RBKS: variants seen among roughly 807,000 people sequenced by gnomAD.
RBKS encodes ribokinase.
A neutral mutation model predicts 33.9 loss-of-function variants in RBKS; 33 were observed. The ratio of observed to expected loss-of-function variants is 0.97; its 90% CI spans 0.74 to 1.30. RBKS has a LOEUF of 1.30. RBKS is among the 50% of genes most tolerant of loss of function. The probability of loss-of-function intolerance (pLI) is 0.00; values close to 1 mark genes in which losing one functional copy is unlikely to be tolerated. For missense variants in RBKS, 361 were observed against 392.6 expected (o/e 0.92, Z 0.68); for synonymous variants, 125 against 143.0 (o/e 0.87, Z 0.90).
intron 2 of RBKS, among the ~76,000 whole-genome samples, chr2:27,851,664 G>A (rs143604577): frequency 7.5e-4 from 114 of 151,954 alleles, no homozygotes; most frequent in African/African-American, 2.5e-3. Flanking sequence ...TCAGCCTCCC[G>A]AGTAGCTGGG....
intron 1 of RBKS, among the ~76,000 whole-genome samples, chr2:27,867,484 T>C (rs1664124640): frequency 6.6e-6 from 1 of 152,068 alleles, no homozygotes; most frequent in African/African-American, 2.4e-5. Context: ...ATAAACTTAG[T>C]TGGGAATATG....
intron 7 of RBKS, among the ~76,000 whole-genome samples, chr2:27,797,843 CA>C (rs745487121): frequency 1.9e-4 from 29 of 152,108 alleles, no homozygotes; most frequent in South Asian, 4.1e-4. Context: ...AGGGGGTCAA[CA>C]GGCAAGGAGA....
At chr2:27,848,238 A>C (rs1663661645) in intron 2 of RBKS, 141 bp from the exon 3 acceptor site, 1 of 550,620 alleles carries the variant, frequency 1.8e-6, no homozygotes, top group East Asian at 3.3e-5. Context: ...TCTTAATATA[A>C]GATGCTAGAC....
At chr2:27,803,775 G>A (rs369451084) in intron 7 of RBKS, among the ~76,000 whole-genome samples, 4 of 151,878 alleles carry the variant, frequency 2.6e-5, no homozygotes, top group South Asian at 2.1e-4. Flanking sequence ...GGCCAGGTGC[G>A]GTGACTCACG....
At chr2:27,784,607 A>C (rs1677364436) in intron 7 of RBKS, among the ~76,000 whole-genome samples, 1 of 152,342 alleles carries the variant, frequency 6.6e-6, no homozygotes, top group South Asian at 2.1e-4. Context: ...AGATTTATAA[A>C]GAGAAGGCAG....
rs542659897 is a variant in RBKS at position 27,786,735 on chromosome 2, C to T, written c.796-4947G>A. On this transcript the variant is annotated intron_variant, in intron 7 of 7. Coordinates refer to ENST00000302188, the MANE Select transcript of RBKS (RefSeq NM_022128.3). ...GGTGGAGGTTGCAGTGAGCCAAGAC[C>T]GTGCCACTGCACTCTCGCCTGGGCG... Among the ~76,000 whole-genome samples the T allele has an allele frequency of 1.9e-3, 284 of 149,572 alleles. 1 individual carries two copies. The highest frequency in any genetic ancestry group is 6.5e-3 in the African/African-American group (263 of 40,540).
At chr2:27,789,263 T>G (rs1431706143) in intron 7 of RBKS, among the ~76,000 whole-genome samples, 2 of 152,198 alleles carry the variant, frequency 1.3e-5, no homozygotes, top group African/African-American at 4.8e-5. Flanking sequence ...TCAGATCTTT[T>G]TTTTTGGATT....
At chr2:27,801,506 C>CACACACA (rs1228017669) in intron 7 of RBKS, among the ~76,000 whole-genome samples, 3 of 151,042 alleles carry the variant, frequency 2.0e-5, no homozygotes, top group Non-Finnish European at 4.4e-5. Flanking sequence ...CACACACACA[C>CACACACA]AAGCGGTCCC....
chr2:27,818,857 A>G (rs1051676681), intron 7 of RBKS, among the ~76,000 whole-genome samples: 3 of 152,222 alleles, frequency 2.0e-5, no homozygotes, highest in Admixed American at 6.5e-5. Flanking sequence ...TCATTTGCCC[A>G]AAGCAGCACC....
intron 4 of RBKS, among the ~76,000 whole-genome samples, chr2:27,843,564 C>A (rs569659064): frequency 6.6e-6 from 1 of 151,966 alleles, no homozygotes; most frequent in Non-Finnish European, 1.5e-5. Context: ...TATATGTATG[C>A]GGTAAAGGTT....
intron 7 of RBKS, among the ~76,000 whole-genome samples, chr2:27,807,138 G>A (rs1423750883): frequency 6.6e-6 from 1 of 152,216 alleles, no homozygotes; most frequent in Non-Finnish European, 1.5e-5. Flanking sequence ...TGGTCTGAAT[G>A]TGAAGCTTCC....
chr2:27,792,962 C>T (rs1677567013), intron 7 of RBKS, among the ~76,000 whole-genome samples: 1 of 152,136 alleles, frequency 6.6e-6, no homozygotes, highest in Non-Finnish European at 1.5e-5. Flanking sequence ...GTTGGCCTTG[C>T]TATAGAGTGG....
intron 7 of RBKS, among the ~76,000 whole-genome samples, chr2:27,797,107 G>A (rs1294709811): frequency 6.6e-6 from 1 of 152,240 alleles, no homozygotes; most frequent in Non-Finnish European, 1.5e-5. Context: ...GCTGGTCTGC[G>A]ATAGCTTTTG....
intron 7 of RBKS, chr2:27,809,959 G>A (rs1677961037): frequency 1.5e-6 from 2 of 1,304,208 alleles, no homozygotes; most frequent in South Asian, 1.2e-5. Flanking sequence ...GGCAGTTGCT[G>A]TTATAAAAGG....
At chr2:27,784,413 G>C (rs1207820272) in intron 7 of RBKS, among the ~76,000 whole-genome samples, 6 of 152,204 alleles carry the variant, frequency 3.9e-5, no homozygotes, top group African/African-American at 1.4e-4. Flanking sequence ...AGTCACAGTT[G>C]ATGTATTTAA....
intron 7 of RBKS, among the ~76,000 whole-genome samples, chr2:27,814,986 A>C (rs1678059744): frequency 6.6e-6 from 1 of 152,230 alleles, no homozygotes; most frequent in African/African-American, 2.4e-5. Flanking sequence ...GTTTATTCAC[A>C]GTACATGCCA....
intron 2 of RBKS, among the ~76,000 whole-genome samples, chr2:27,850,822 T>C (rs1573064259): frequency 6.6e-6 from 1 of 152,184 alleles, no homozygotes; most frequent in East Asian, 1.9e-4. Context: ...TTTTATCAGT[T>C]CTCAATACTT....
intron 5 of RBKS, among the ~76,000 whole-genome samples, chr2:27,838,865 A>C (rs779447186): frequency 1.2e-4 from 19 of 152,206 alleles, no homozygotes; most frequent in Non-Finnish European, 1.2e-4. Context: ...TAGTTATCTT[A>C]ACTGCATGTT....
chr2:27,788,921 C>T (rs575057938), intron 7 of RBKS, among the ~76,000 whole-genome samples: 3 of 152,214 alleles, frequency 2.0e-5, no homozygotes, highest in African/African-American at 7.2e-5. Flanking sequence ...TAAATTCTCC[C>T]CAAATTGATC....
Sources: gnomAD v4.1 joint callset for allele counts (sites outside exome capture counted in the v4.1 genomes callset) on GRCh38, gnomAD v4.1.1 for gene constraint, MANE v1.5 for transcripts, NCBI Gene and HGNC (gene_info 2026-07-23, HGNC 2026-07-21) for gene names.